The following COBLL1 variants were observed in gnomAD, a reference collection of about 807,000 sequenced individuals.
COBLL1 encodes cordon-bleu WH2 repeat protein like 1, also known as cordon-bleu protein-like 1.
In COBLL1, 50 loss-of-function variants were observed where a neutral mutation model predicts 94.8. The ratio of observed to expected loss-of-function variants is 0.53; its 90% CI spans 0.42 to 0.67. The LOEUF is 0.67. Ranked by LOEUF, COBLL1 falls within the 30% of genes least tolerant of loss-of-function variation. The pLI is 0.00. For synonymous variants in COBLL1, 448 were observed against 473.8 expected (o/e 0.95, Z 0.71); for missense variants, 1,362 against 1,348.7 (o/e 1.01, Z -0.15).
At chr2:164,672,472 G>C (rs1388675430) in intron 1 of COBLL1, among the ~76,000 whole-genome samples, 1 of 152,046 alleles carries the variant, frequency 6.6e-6, no homozygotes, top group Non-Finnish European at 1.5e-5. Context: ...GCCGAGGCGG[G>C]TGGATCATGA....
intron 3 of COBLL1, among the ~76,000 whole-genome samples, chr2:164,732,428 A>G (rs1686068960): frequency 6.6e-6 from 1 of 152,206 alleles, no homozygotes; most frequent in African/African-American, 2.4e-5. Flanking sequence ...ATGGTACTCT[A>G]CAAGAGCAAT....
At chr2:164,753,200 A>G (rs1574522413) in intron 2 of COBLL1, among the ~76,000 whole-genome samples, 1 of 152,264 alleles carries the variant, frequency 6.6e-6, no homozygotes, top group Admixed American at 6.5e-5. Context: ...TGGCATTCAC[A>G]CTAGGAAAAA....
intron 2 of COBLL1, among the ~76,000 whole-genome samples, chr2:164,818,156 G>T (rs528030834): frequency 2.7e-5 from 4 of 149,978 alleles, no homozygotes; most frequent in Admixed American, 2.7e-4. Flanking sequence ...ACATGTATAC[G>T]TGTATGTATA....
chr2:164,702,569 A>ATAAT (rs1553469775), intron 9 of COBLL1, among the ~76,000 whole-genome samples: 6 of 146,128 alleles, frequency 4.1e-5, no homozygotes, highest in African/African-American at 1.6e-4. Context: ...AAAAAAAAAA[A>ATAAT]AAAAAAAATA....
chr2:164,799,558 C>T (rs1265964008), intron 2 of COBLL1, among the ~76,000 whole-genome samples: 1 of 152,088 alleles, frequency 6.6e-6, no homozygotes, highest in Non-Finnish European at 1.5e-5. Context: ...TAACACAATT[C>T]CAGTCAAAAC....
In COBLL1 at chr2:164,775,034, T is replaced by C. The variant is rs1450961867; in HGVS notation, c.42-31159A>G. On this transcript the variant is annotated intron_variant, in intron 2 of 13. Transcript: ENST00000652658. ...ATGTTCAGGTTAGCACGGCAGTACA[T>C]GCTGTAGTTCTATGGGGAGGCTGAG... Among the ~76,000 whole-genome samples, 3 of 152,136 alleles carry C rather than the reference T, an allele frequency of 2.0e-5. No individual in the cohort carries two copies. The East Asian group carries it at 5.8e-4, about 29-fold the overall frequency.
chr2:164,687,700 C>A, intron 13 of COBLL1: 1 of 703,788 alleles, frequency 1.4e-6, no homozygotes, highest in East Asian at 2.5e-5. Context: ...CATACACCAC[C>A]AAGGAAGCTG....
At chr2:164,742,966 C>T (rs940062750) in intron 3 of COBLL1, among the ~76,000 whole-genome samples, 1 of 152,060 alleles carries the variant, frequency 6.6e-6, no homozygotes, top group Admixed American at 6.5e-5. Flanking sequence ...AAGACCAAGT[C>T]TATAGTTCAT....
intron 2 of COBLL1, among the ~76,000 whole-genome samples, chr2:164,786,861 CCTTAA>C (rs2105287790): frequency 6.6e-6 from 1 of 152,198 alleles, no homozygotes; most frequent in South Asian, 2.1e-4. Context: ...TACTTCCTTG[CCTTAA>C]TGTATCTTGC....
chr2:164,731,426 C>T (rs1001829571), intron 3 of COBLL1, among the ~76,000 whole-genome samples: 18 of 152,284 alleles, frequency 1.2e-4, no homozygotes, highest in African/African-American at 4.3e-4. Context: ...TCATTGTTGA[C>T]ACAGACTTAT....
Position 164,694,584 on chromosome 2 carries a change from A to T in COBLL1, c.2808T>A (p.Asp936Glu). 1 of 1,613,880 alleles carries T rather than the reference A, an allele frequency of 6.2e-7. No homozygotes were observed. Among genetic ancestry groups the T allele is most frequent in the Non-Finnish European group, 8.5e-7 (1 of 1,179,918 alleles). Residue 936 changes from aspartate to glutamate, a missense_variant, in exon 12 of 14, where the codon GAT (aspartate) becomes GAA (glutamate). Physicochemically the swap from Asp to Glu is conservative, Grantham distance 45. Coordinates refer to ENST00000652658, the MANE Select transcript of COBLL1 (RefSeq NM_001365672.2). ...VPQPLVEKTD[D>E]DVIGQAPAEA... Reference sequence around the variant, plus strand: ...CAGCAGGAGCCTGACCGATGACATCATCATCAGTTTTTTCAACAAGGGGTT... The same window carrying T: ...CAGCAGGAGCCTGACCGATGACATCTTCATCAGTTTTTTCAACAAGGGGTT...
intron 11 of COBLL1, chr2:164,696,673 A>T (rs1683963574): frequency 6.6e-6 from 1 of 152,184 alleles, no homozygotes; most frequent in Non-Finnish European, 1.5e-5. Context: ...CTCATTTGCC[A>T]GTGTCTAGGT....
chr2:164,743,910 A>G (rs369532782), intron 2 of COBLL1, 35 bp from the exon 3 acceptor site: 2 of 1,398,380 alleles, frequency 1.4e-6, no homozygotes, highest in Non-Finnish European at 1.9e-6. Flanking sequence ...AATACAAAAT[A>G]TTTTATTTTT....
rs779126443 is a variant in COBLL1 at position 164,722,094 on chromosome 2, C to T, written c.977G>A (p.Ser326Asn). Residue 326 changes from serine (S) to asparagine (N), a missense_variant, in exon 7 of 14, where the codon AGC (serine) becomes AAC (asparagine). Transcript: ENST00000652658. ...ACACACCTTATCTGTCTCATCCACG[C>T]TCATGGATTTCACTATACAAGAAGC... ...RPASCIVKSM[S>N]VDETDKSPCE... The T allele has an allele frequency of 3.4e-5, 54 of 1,606,180 alleles. No individual in the cohort carries two copies. Among genetic ancestry groups the T allele is most frequent in the Non-Finnish European group, 3.6e-5 (42 of 1,175,758 alleles).
intron 7 of COBLL1, among the ~76,000 whole-genome samples, chr2:164,715,588 A>C (rs1211489791): frequency 2.0e-5 from 3 of 152,126 alleles, no homozygotes; most frequent in Non-Finnish European, 4.4e-5. Flanking sequence ...AGTATATGAC[A>C]ATACATCATC....
intron 2 of COBLL1, among the ~76,000 whole-genome samples, chr2:164,751,549 A>C (rs1442947897): frequency 6.6e-6 from 1 of 152,118 alleles, no homozygotes; most frequent in African/African-American, 2.4e-5. Flanking sequence ...TAAGTCCTTT[A>C]AAGGTGCTTT....
chr2:164,753,469 G>T (rs1687226730), intron 2 of COBLL1, among the ~76,000 whole-genome samples: 1 of 151,634 alleles, frequency 6.6e-6, no homozygotes, highest in Non-Finnish European at 1.5e-5. Context: ...AAAATGCAGA[G>T]ATTTCTATTA....
At chr2:164,691,751 C>T (rs961518857) in intron 13 of COBLL1, among the ~76,000 whole-genome samples, 4 of 152,170 alleles carry the variant, frequency 2.6e-5, no homozygotes, top group Non-Finnish European at 5.9e-5. Context: ...TATTATCTAT[C>T]ATCTACATTC....
At chr2:164,825,788 T>C (rs1051575245) in intron 2 of COBLL1, among the ~76,000 whole-genome samples, 10 of 152,138 alleles carry the variant, frequency 6.6e-5, no homozygotes, top group Non-Finnish European at 1.3e-4. Context: ...CTGTACTAAG[T>C]GATGTGGTTG....
Sources: gnomAD v4.1 joint callset for allele counts (sites outside exome capture counted in the v4.1 genomes callset) on GRCh38, gnomAD v4.1.1 for gene constraint, MANE v1.5 for transcripts, NCBI Gene and HGNC (gene_info 2026-07-23, HGNC 2026-07-21) for gene names.